Variants in GPC6 observed in about 807,000 individuals in gnomAD.
GPC6 encodes glypican-6.
Under a neutral mutation model 55.2 loss-of-function variants are expected in GPC6, and 14 were observed. The observed-to-expected ratio is 0.25, with a 90% CI of 0.17 to 0.40. The LOEUF is 0.40. Ranked by LOEUF, GPC6 falls within the 10% of genes least tolerant of loss-of-function variation. The pLI, the probability that GPC6 is intolerant of heterozygous loss-of-function variation, is 1.00. For missense variants in GPC6, 641 were observed against 708.5 expected, an observed-to-expected ratio of 0.90 and a Z score of 1.08; for synonymous variants, 278 against 259.6, an observed-to-expected ratio of 1.07 and a Z score of -0.68.
chr13:93,866,930 T>A (rs572600229), intron 3 of GPC6, among the ~76,000 whole-genome samples: 1 of 151,886 alleles, frequency 6.6e-6, no homozygotes, highest in South Asian at 2.1e-4. Flanking sequence ...ATGTAAATAA[T>A]TTTTAGCAAA....
intron 1 of GPC6, among the ~76,000 whole-genome samples, chr13:93,353,946 G>A (rs1339864790): frequency 3.3e-5 from 5 of 152,184 alleles, no homozygotes; most frequent in Non-Finnish European, 7.3e-5. Flanking sequence ...TCACAAAGGT[G>A]TGTTTTTTTG....
intron 1 of GPC6, among the ~76,000 whole-genome samples, chr13:93,508,397 A>C (rs566779931): frequency 6.6e-6 from 1 of 152,316 alleles, no homozygotes; most frequent in African/African-American, 2.4e-5. Flanking sequence ...GTGGGACTAC[A>C]CCCAGCATGT....
intron 4 of GPC6, among the ~76,000 whole-genome samples, chr13:94,067,474 G>GTCTCTCTCTCTCTCTC (rs777653136): frequency 7.0e-6 from 1 of 142,254 alleles, no homozygotes; most frequent in African/African-American, 2.5e-5. Flanking sequence ...CTCTCTGTCT[G>GTCTCTCTCTCTCTCTC]TCTGTCTCTC....
At chr13:93,596,456 A>G (rs1192560765) in intron 2 of GPC6, among the ~76,000 whole-genome samples, 1 of 151,878 alleles carries the variant, frequency 6.6e-6, no homozygotes, top group Non-Finnish European at 1.5e-5. Flanking sequence ...TACAGGAGAT[A>G]CACTCTCCGA....
chr13:93,880,600 A>G (rs1050248218), intron 3 of GPC6, among the ~76,000 whole-genome samples: 1 of 152,080 alleles, frequency 6.6e-6, no homozygotes, highest in African/African-American at 2.4e-5. Flanking sequence ...GTATTGGGAG[A>G]TATACCCAAT....
At position 93,979,281 on chromosome 13, in the gene GPC6, TTGTGTGTGTGTG is replaced by T. The variant is rs72400372; in HGVS notation, c.712-48422_712-48411del. ...ATTGGACAGCACAAAGACACTTCTT[TTGTGTGTGTGTG>T]TGTGTGTGTGTGTGTGTGTGTGTGT... On this transcript the variant is annotated intron_variant, in intron 3 of 8. Coordinates refer to ENST00000377047, the MANE Select transcript of GPC6 (RefSeq NM_005708.5). Among the ~76,000 whole-genome samples, 179 of 140,238 alleles carry T rather than the reference TTGTGTGTGTGTG, an allele frequency of 1.3e-3. 1 individual carries two copies. Among genetic ancestry groups the T allele is most frequent in the East Asian group, 0.012 (57 of 4,894 alleles). The allele number at this position is 140,238 out of a possible 152,430, so 92.0% of individuals were successfully genotyped here.
At chr13:93,962,157 A>G (rs1297526420) in intron 3 of GPC6, among the ~76,000 whole-genome samples, 6 of 152,198 alleles carry the variant, frequency 3.9e-5, no homozygotes, top group Admixed American at 6.5e-5. Flanking sequence ...GTCCATTACT[A>G]TAAGTCCCCC....
intron 1 of GPC6, among the ~76,000 whole-genome samples, chr13:93,455,113 A>G (rs1044528561): frequency 1.3e-5 from 2 of 152,064 alleles, no homozygotes; most frequent in African/African-American, 4.8e-5. Context: ...CCCACCCGGA[A>G]CTCCAGCTGG....
At chr13:94,333,722 G>T (rs1325430492) in intron 6 of GPC6, among the ~76,000 whole-genome samples, 1 of 152,188 alleles carries the variant, frequency 6.6e-6, no homozygotes, top group Non-Finnish European at 1.5e-5. Context: ...CCCTGGGATT[G>T]CACAACTAAG....
intron 1 of GPC6, among the ~76,000 whole-genome samples, chr13:93,373,762 C>T (rs1002285939): frequency 6.6e-6 from 1 of 152,150 alleles, no homozygotes; most frequent in African/African-American, 2.4e-5. Context: ...AATTATATCT[C>T]TGACTAGTTA....
At chr13:93,373,821 G>T (rs746032499) in intron 1 of GPC6, among the ~76,000 whole-genome samples, 2 of 152,074 alleles carry the variant, frequency 1.3e-5, no homozygotes, top group Non-Finnish European at 2.9e-5. Context: ...GTTAAATAAA[G>T]AAATCATTTT....
At chr13:93,257,440 A>C (rs1876993310) in intron 1 of GPC6, among the ~76,000 whole-genome samples, 1 of 152,226 alleles carries the variant, frequency 6.6e-6, no homozygotes, top group African/African-American at 2.4e-5. Flanking sequence ...CTTTCCATAT[A>C]GTTGAAGGTC....
intron 1 of GPC6, among the ~76,000 whole-genome samples, chr13:93,433,036 T>TC (rs1383712716): frequency 6.6e-6 from 1 of 152,104 alleles, no homozygotes; most frequent in African/African-American, 2.4e-5. Flanking sequence ...GTTCTTTTTT[T>TC]CACTTAGAAA....
chr13:93,222,793 AAAC>A (rs1433362853), upstream of GPC6, among the ~76,000 whole-genome samples: 1 of 152,182 alleles, frequency 6.6e-6, no homozygotes, highest in Non-Finnish European at 1.5e-5. Flanking sequence ...ACAATGGTGT[AAAC>A]AACAGGATAT....
At chr13:94,154,616 C>T (rs1467641253) in intron 4 of GPC6, among the ~76,000 whole-genome samples, 2 of 152,130 alleles carry the variant, frequency 1.3e-5, no homozygotes, top group African/African-American at 2.4e-5. Flanking sequence ...AAGACCTTGG[C>T]CGAAGTCCCA....
intron 4 of GPC6, among the ~76,000 whole-genome samples, chr13:94,250,979 G>A (rs1891329924): frequency 6.6e-6 from 1 of 152,130 alleles, no homozygotes; most frequent in South Asian, 2.1e-4. Context: ...ACCATGTTAA[G>A]TAAATAGGGG....
At chr13:93,977,985 G>T (rs1232015670) in intron 3 of GPC6, among the ~76,000 whole-genome samples, 1 of 152,202 alleles carries the variant, frequency 6.6e-6, no homozygotes, top group East Asian at 1.9e-4. Flanking sequence ...CCATAGAGTT[G>T]CTTTCAGATG....
intron 2 of GPC6, among the ~76,000 whole-genome samples, chr13:93,699,815 C>T (rs1009775337): frequency 4.6e-5 from 7 of 151,922 alleles, no homozygotes; most frequent in African/African-American, 7.2e-5. Context: ...GGAATACATG[C>T]GTTTCATACC....
Position 94,403,034 on chromosome 13 carries a change from A to G in GPC6, c.1485A>G (p.Ser495=). ...FQDTSDESSG[S]GSGSGCMDDV... Reference sequence around the variant, plus strand: ...CACTAGGTGATGAATCCAGTGGCTCAGGGAGTGGCAGTGGGTGCATGGATG... The same window carrying G: ...CACTAGGTGATGAATCCAGTGGCTCGGGGAGTGGCAGTGGGTGCATGGATG... The change falls in exon 9 of 9, where the codon TCA becomes TCG. Residue 495 remains serine, a synonymous_variant. Coordinates refer to ENST00000377047, the MANE Select transcript of GPC6 (RefSeq NM_005708.5). 1 of 1,612,402 alleles carries G rather than the reference A, an allele frequency of 6.2e-7. No individual in the cohort carries two copies. The highest frequency in any genetic ancestry group is 8.5e-7 in the Non-Finnish European group (1 of 1,178,370).
Sources: gnomAD v4.1 joint callset for allele counts (sites outside exome capture counted in the v4.1 genomes callset) on GRCh38, gnomAD v4.1.1 for gene constraint, MANE v1.5 for transcripts, NCBI Gene and HGNC (gene_info 2026-07-23, HGNC 2026-07-21) for gene names.